AMPD1: variants seen among roughly 807,000 people sequenced by gnomAD.
AMPD1 encodes adenosine monophosphate deaminase 1, also known as AMP deaminase 1.
In AMPD1, 74 loss-of-function variants were observed where a neutral mutation model predicts 82.9. The ratio of observed to expected loss-of-function variants is 0.89; its 90% CI spans 0.74 to 1.08. The LOEUF (loss-of-function observed/expected upper bound fraction) is 1.08, where lower values mean the gene tolerates loss of function less well. Ranked by LOEUF, AMPD1 falls within the 50% of genes least tolerant of loss-of-function variation. AMPD1 has a pLI of 0.00. For missense variants in AMPD1, 881 were observed against 924.5 expected (o/e 0.95, Z 0.61); for synonymous variants, 333 against 320.5 (o/e 1.04, Z -0.42).
intron 12 of AMPD1, 116 bp from the exon 13 acceptor site, chr1:114,674,988 C>G (rs562268010): frequency 7.6e-7 from 1 of 1,313,108 alleles, no homozygotes; most frequent in Non-Finnish European, 1.1e-6. Context: ...AAGGATTCAG[C>G]AAAACAGTCC....
chr1:114,689,416 G>C (rs1658441352), intron 2 of AMPD1, among the ~76,000 whole-genome samples: 1 of 152,246 alleles, frequency 6.6e-6, no homozygotes, highest in East Asian at 1.9e-4. Flanking sequence ...ATGAACCTTG[G>C]AAGGCCAATT....
intron 14 of AMPD1, 44 bp downstream of exon 14, chr1:114,673,865 C>T (rs761932744): frequency 1.2e-6 from 2 of 1,606,856 alleles, no homozygotes. Flanking sequence ...CGGGAAACAA[C>T]AGTCCAGCAA....
Position 114,688,683 on chromosome 1 carries a change from AT to A in AMPD1, c.92del (p.Asp31ValfsTer58). 6.2e-7 allele frequency: 1 copy of A among 1,614,234 alleles called. No homozygotes were observed. The highest frequency in any genetic ancestry group is 1.3e-5 in the African/African-American group (1 of 75,068). On this transcript the variant is annotated frameshift_variant, in exon 3 of 16. Coordinates refer to ENST00000520113, the MANE Select transcript of AMPD1 (RefSeq NM_000036.3). LOFTEE classifies it high-confidence loss of function. The stretch of plus-strand genomic sequence containing the variant: ...GGGAAATCTCCTGACGACCTCCTTC[AT>A]CTTTGACTTCAGAGGCAAACACTTT... ...AEKVFASEVK[D>X]EGGRQEISPF...
At chr1:114,677,831 TTCCTTCC>T in intron 9 of AMPD1, 72 bp downstream of exon 9, 2 of 1,224,706 alleles carry the variant, frequency 1.6e-6, no homozygotes, top group Non-Finnish European at 2.2e-6. Flanking sequence ...CCTTCCTTCC[TTCCTTCC>T]TTCCTTCCTT....
At chr1:114,693,405 C>A in intron 2 of AMPD1, 31 bp downstream of exon 2, 1 of 1,604,900 alleles carries the variant, frequency 6.2e-7, no homozygotes, top group Non-Finnish European at 8.5e-7. Flanking sequence ...GATACTCTGA[C>A]AAATGGCAGC....
intron 10 of AMPD1, 162 bp from the exon 11 acceptor site, chr1:114,676,165 G>A (rs749450938): frequency 8.2e-6 from 7 of 853,860 alleles, no homozygotes; most frequent in Non-Finnish European, 1.3e-5. Flanking sequence ...CCCCTATAGA[G>A]AGGGATTCAG....
rs376789465 is a variant in AMPD1, at chr1:114,680,449, C to A, written c.577G>T (p.Asp193Tyr). The change falls in exon 6 of 16, where the codon GAC becomes TAC. Residue 193 changes from aspartate to tyrosine, a missense_variant. Physicochemically the swap from Asp to Tyr is radical, Grantham distance 160. Coordinates refer to ENST00000520113, the MANE Select transcript of AMPD1 (RefSeq NM_000036.3). ...GGAAGGTTGTCTGTTCGGAAGGGGT[C>A]CTCTCCCTTCTTCACAGGAGGAGTA... Reference protein sequence around the residue: ...VFTPPVKKGEDPFRTDNLPEN... With the variant: ...VFTPPVKKGEYPFRTDNLPEN... 1 of 1,614,122 alleles carries A rather than the reference C, an allele frequency of 6.2e-7. No individual in the cohort carries two copies. Among genetic ancestry groups the A allele is most frequent in the South Asian group, 1.1e-5 (1 of 91,078 alleles).
At chr1:114,693,706 T>C (rs1031879022) in intron 1 of AMPD1, among the ~76,000 whole-genome samples, 19 of 152,194 alleles carry the variant, frequency 1.2e-4, no homozygotes, top group African/African-American at 4.1e-4. Context: ...TAAAATATGA[T>C]TTTTAAAAAT....
chr1:114,694,687 T>C (rs1658627227), intron 1 of AMPD1, among the ~76,000 whole-genome samples: 1 of 151,360 alleles, frequency 6.6e-6, no homozygotes, highest in Non-Finnish European at 1.5e-5. Context: ...CTACAGAAAA[T>C]ACAAAAACTA....
At chr1:114,694,516 A>G (rs1378029839) in intron 1 of AMPD1, among the ~76,000 whole-genome samples, 1 of 152,164 alleles carries the variant, frequency 6.6e-6, no homozygotes, top group Non-Finnish European at 1.5e-5. Flanking sequence ...TTAAGAGTGA[A>G]TATCTTTGGA....
rs143862592 is a variant in AMPD1, at chr1:114,678,223, C to T, written c.1092+110G>A. ...AATTGTCTGTGGTGCTTTCAGGCAG[C>T]GTGGTAAGCCAAGATGGTTAAGAGA... On this transcript the variant is annotated intron_variant, in intron 8 of 15. Coordinates refer to ENST00000520113, the MANE Select transcript of AMPD1 (RefSeq NM_000036.3). 9.3e-5 allele frequency: 137 copies of T among 1,472,274 alleles called. 2 individuals carry two copies. The Admixed American group carries it at 1.5e-3, about 16-fold the overall frequency. The allele number at this position is 1,472,274 out of a possible 1,614,324, so 91.2% of individuals were successfully genotyped here. A position where few individuals can be genotyped will look rare whatever the true frequency, so the allele number is the denominator to read the frequency against.
At chr1:114,684,091 TATG>T in intron 5 of AMPD1, 105 bp downstream of exon 5, 1 of 1,209,386 alleles carries the variant, frequency 8.3e-7, no homozygotes. Context: ...TGATTATGAC[TATG>T]ATATTTTTAG....
At chr1:114,691,492 C>T (rs1412962861) in intron 2 of AMPD1, among the ~76,000 whole-genome samples, 3 of 151,962 alleles carry the variant, frequency 2.0e-5, no homozygotes, top group African/African-American at 7.3e-5. Context: ...CGTTTGAGCC[C>T]AGAAGGTTGA....
At chr1:114,690,165 C>T (rs773745949) in intron 2 of AMPD1, among the ~76,000 whole-genome samples, 6 of 152,162 alleles carry the variant, frequency 3.9e-5, no homozygotes, top group Non-Finnish European at 7.3e-5. Flanking sequence ...GTTCAAGCTC[C>T]CTGCTCTGCA....
rs776387636 is a variant in AMPD1, at chr1:114,680,367, T to C, written c.659A>G (p.Asn220Ser). Residue 220 changes from asparagine (N) to serine (S), a missense_variant, in exon 6 of 16, where the codon AAT becomes AGT. By Grantham distance (46) the Asn-to-Ser change is conservative. Around this residue, in one of 2 missense-constraint regions of AMPD1, gnomAD observed 783 missense variants for 786.4 expected, o/e 1.00. Transcript: ENST00000520113. ...CTCATCTTTGCTGACTGCTGCTTCA[T>C]TAGGATAGACGTAAACTACACCGTC... ...MKDGVVYVYP[N>S]EAAVSKDEPK... is the part of the protein sequence containing the mutation. 9.9e-5 allele frequency: 160 copies of C among 1,614,092 alleles called. No homozygotes were observed. Among genetic ancestry groups the C allele is most frequent in the Non-Finnish European group, 1.3e-4 (154 of 1,180,050 alleles).
intron 2 of AMPD1, among the ~76,000 whole-genome samples, chr1:114,690,677 G>C (rs910273632): frequency 6.6e-6 from 1 of 152,186 alleles, no homozygotes. Context: ...GGAACACCAA[G>C]TAAATGCATT....
At chr1:114,677,837 C>CCTTCCTTCCTTCCTTCCTTCCTTCCTTT (rs1557969566) in intron 9 of AMPD1, 73 bp downstream of exon 9, 1 of 1,284,726 alleles carries the variant, frequency 7.8e-7, no homozygotes, top group African/African-American at 1.6e-5. Flanking sequence ...TTCCTTCCTT[C>CCTTCCTTCCTTCCTTCCTTCCTTCCTTT]CTTCCTTCCT....
At chr1:114,691,862 T>C (rs1305042167) in intron 2 of AMPD1, among the ~76,000 whole-genome samples, 2 of 150,886 alleles carry the variant, frequency 1.3e-5, no homozygotes, top group African/African-American at 4.9e-5. Context: ...GAGGTGGAGC[T>C]TGCAATGAGC....
chr1:114,685,966 C>T (rs926941461), intron 4 of AMPD1, among the ~76,000 whole-genome samples: 12 of 152,170 alleles, frequency 7.9e-5, no homozygotes, highest in Non-Finnish European at 1.6e-4. Context: ...GTCATTAAAA[C>T]TATATTTGGA....
Sources: gnomAD v4.1 joint callset for allele counts (sites outside exome capture counted in the v4.1 genomes callset) on GRCh38, gnomAD v4.1.1 for gene constraint, gnomAD v4.1.1 regional missense constraint, MANE v1.5 for transcripts, NCBI Gene and HGNC (gene_info 2026-07-23, HGNC 2026-07-21) for gene names.